The following MAP7D3 variants were observed in gnomAD, a reference collection of about 807,000 sequenced individuals.
The protein encoded by MAP7D3 is MAP7 domain-containing protein 3.
A neutral mutation model predicts 62.2 loss-of-function variants in MAP7D3; 45 were observed. The observed-to-expected ratio is 0.72, with a 90% CI of 0.57 to 0.93. MAP7D3 has a LOEUF of 0.93. MAP7D3 is among the 40% of genes least tolerant of loss of function. The pLI, the probability that MAP7D3 is intolerant of heterozygous loss-of-function variation, is 0.00. For synonymous variants in MAP7D3, 288 were observed against 248.8 expected (o/e 1.16, Z -1.48); for missense variants, 711 against 683.1 (o/e 1.04, Z -0.45).
chrX:136,229,991 ATAT>A (rs1428335340), intron 10 of MAP7D3, among the ~76,000 whole-genome samples: 75 of 50,931 alleles, frequency 1.5e-3, no homozygotes, highest in Admixed American at 5.2e-3. Context: ...ATATATATAT[ATAT>A]TTTTTTTTTT....
chrX:136,255,941 A>G (rs1056109217), upstream of MAP7D3: 1 of 347,607 alleles, frequency 2.9e-6, no homozygotes, highest in Admixed American at 9.2e-5. Flanking sequence ...GAAGTTTTTT[A>G]AAAAATTGAA....
In MAP7D3 at chrX:136,228,861, C is replaced by T. The variant is rs1458210132; in HGVS notation, c.1751-103G>A. ...AAACATTAAAATATATATATATGTG[C>T]GTAGTCCAAAATTTATAAATCACAA... On this transcript the variant is annotated intron_variant, in intron 10 of 18. Transcript: ENST00000316077. The T allele has an allele frequency of 1.8e-5, 11 of 623,883 alleles. No homozygotes were observed. In the South Asian group the frequency reaches 3.0e-4, roughly 17 times the overall value. 51.4% of individuals were successfully genotyped at this position (623,883 alleles called of 1,213,427 possible). A position where few individuals can be genotyped will look rare whatever the true frequency, so the allele number is the denominator to read the frequency against.
intron 11 of MAP7D3, 23 bp from the exon 12 acceptor site, chrX:136,227,454 T>G (rs780768469): frequency 3.6e-5 from 41 of 1,129,756 alleles, no homozygotes; most frequent in Middle Eastern, 2.4e-4. Context: ...AAATAATTGT[T>G]AGTATTTATC....
At chrX:136,236,989 C>T (rs1023479047) in intron 6 of MAP7D3, among the ~76,000 whole-genome samples, 2 of 111,691 alleles carry the variant, frequency 1.8e-5, no homozygotes, top group Non-Finnish European at 3.8e-5. Context: ...CTGGACCTTA[C>T]AAGTTAAATA....
intron 5 of MAP7D3, 71 bp from the exon 6 acceptor site, chrX:136,240,557 G>A (rs2074378314): frequency 2.9e-6 from 2 of 686,481 alleles, no homozygotes; most frequent in African/African-American, 4.3e-5. Context: ...AAAAAAAAAT[G>A]AGTTTTCATG....
chrX:136,241,570 T>C (rs1380022344), intron 4 of MAP7D3, among the ~76,000 whole-genome samples: 1 of 111,976 alleles, frequency 8.9e-6, no homozygotes, highest in Non-Finnish European at 1.9e-5. Flanking sequence ...CAAAGACTGA[T>C]TGGTATACTT....
chrX:136,238,187 C>A (rs916890771), intron 6 of MAP7D3, among the ~76,000 whole-genome samples: 1 of 111,426 alleles, frequency 9.0e-6, no homozygotes, highest in Non-Finnish European at 1.9e-5. Context: ...AATAAAAATA[C>A]GTGTGCATGT....
intron 1 of MAP7D3, among the ~76,000 whole-genome samples, chrX:136,250,272 CA>C (rs1355543469): frequency 9.0e-6 from 1 of 111,490 alleles, no homozygotes; most frequent in Non-Finnish European, 1.9e-5. Flanking sequence ...ATTGCAAATG[CA>C]AAAAAACCCC....
chrX:136,222,030 G>A (rs2074135932), intron 15 of MAP7D3, among the ~76,000 whole-genome samples: 1 of 112,601 alleles, frequency 8.9e-6, no homozygotes, highest in Non-Finnish European at 1.9e-5. Flanking sequence ...GTGGAAAGTG[G>A]AATTCCACCT....
downstream of MAP7D3, among the ~76,000 whole-genome samples, chrX:136,216,359 T>TAAAAAAAAAAA (rs58245551): frequency 1.7e-3 from 42 of 25,331 alleles, no homozygotes; most frequent in East Asian, 6.4e-3. Context: ...ACCCTATCTC[T>TAAAAAAAAAAA]AAAAAAAAAA....
At chrX:136,244,104 G>A (rs756641305) in intron 4 of MAP7D3, among the ~76,000 whole-genome samples, 43 of 111,573 alleles carry the variant, frequency 3.9e-4, no homozygotes, top group African/African-American at 1.3e-3. Flanking sequence ...TGAGGAACAC[G>A]GAGACAGAGG....
intron 4 of MAP7D3, 76 bp downstream of exon 4, chrX:136,244,555 GA>G: frequency 1.1e-6 from 1 of 944,849 alleles, no homozygotes; most frequent in South Asian, 2.4e-5. Context: ...GTAAGGCAGA[GA>G]AGGCCTGAGA....
downstream of MAP7D3, chrX:136,214,731 T>A (rs1276402709): frequency 1.8e-5 from 2 of 112,345 alleles, no homozygotes; most frequent in African/African-American, 6.5e-5. Context: ...AAAAACTTCA[T>A]TCCACATGCA....
chrX:136,220,816 T>G lies in MAP7D3; in HGVS notation c.2435A>C (p.Asn812Thr). ...GTCTTTCATGCTTTTTTGTCTGAAG[T>G]TTTTCAAATCGCCATTAAAATATGT... ...PKTYFNGDLKNFRQKSMKDTS... is the reference protein window; with the variant it reads ...PKTYFNGDLKTFRQKSMKDTS... Residue 812 changes from asparagine (N) to threonine (T), a missense_variant, in exon 16 of 19, where the codon AAC (asparagine) becomes ACC (threonine). Transcript: ENST00000316077. 1 of 1,211,143 alleles carries G rather than the reference T, an allele frequency of 8.3e-7. No individual in the cohort carries two copies. Among genetic ancestry groups the G allele is most frequent in the Non-Finnish European group, 1.1e-6 (1 of 895,060 alleles).
chrX:136,241,889 C>T (rs2074393623), intron 4 of MAP7D3, among the ~76,000 whole-genome samples: 1 of 111,623 alleles, frequency 9.0e-6, no homozygotes, highest in Non-Finnish European at 1.9e-5. Context: ...AACAGCTATA[C>T]AAAGTAAATA....
At chrX:136,248,167 G>A (rs1276864731) in intron 1 of MAP7D3, among the ~76,000 whole-genome samples, 1 of 112,127 alleles carries the variant, frequency 8.9e-6, no homozygotes, top group Non-Finnish European at 1.9e-5. Flanking sequence ...CTGCACTCCA[G>A]CCTGGGCAAC....
At chrX:136,239,228 G>GAC (rs2074362199) in intron 6 of MAP7D3, among the ~76,000 whole-genome samples, 1 of 111,717 alleles carries the variant, frequency 9.0e-6, no homozygotes, top group Admixed American at 9.5e-5. Context: ...CATGGTTATT[G>GAC]ACACACACTT....
At chrX:136,221,995 C>T (rs1056537185) in intron 15 of MAP7D3, 17 of 121,874 alleles carry the variant, frequency 1.4e-4, no homozygotes, top group African/African-American at 5.1e-4. Context: ...CTTATTATGA[C>T]ATGGTTTCAA....
downstream of MAP7D3, among the ~76,000 whole-genome samples, chrX:136,215,742 C>T (rs1437172331): frequency 2.7e-5 from 3 of 111,963 alleles, no homozygotes; most frequent in African/African-American, 9.7e-5. Flanking sequence ...GGAAACTAAA[C>T]ACTCACAGGC....
Sources: allele counts gnomAD v4.1 joint callset (sites outside exome capture counted in the v4.1 genomes callset), GRCh38; gene constraint gnomAD v4.1.1; transcripts MANE v1.5; gene names NCBI Gene and HGNC (gene_info 2026-07-23, HGNC 2026-07-21).